The following SLC24A2 variants were observed in gnomAD, a reference collection of about 807,000 sequenced individuals.
SLC24A2 encodes solute carrier family 24 member 2, also known as sodium/potassium/calcium exchanger 2.
Under a neutral mutation model 62.0 loss-of-function variants are expected in SLC24A2, and 36 were observed. That is an observed-to-expected ratio of 0.58 (90% CI 0.44 to 0.77). The LOEUF (loss-of-function observed/expected upper bound fraction) is 0.77. Ranked by LOEUF, SLC24A2 falls within the 30% of genes least tolerant of loss-of-function variation. SLC24A2 has a pLI of 0.00. For missense variants in SLC24A2, 846 were observed against 817.9 expected (o/e 1.03, Z -0.42); for synonymous variants, 358 against 294.0 (o/e 1.22, Z -2.23).
chr9:19,971,468 T>G, the SLC24A2 span, among the ~76,000 whole-genome samples: 1 of 152,196 alleles, frequency 6.6e-6, no homozygotes, highest in Non-Finnish European at 1.5e-5. Context: ...TAAGACAGAC[T>G]GGTAGGCCTG....
intron 2 of SLC24A2, among the ~76,000 whole-genome samples, chr9:19,692,303 T>C (rs1315871067): frequency 6.6e-6 from 1 of 152,182 alleles, no homozygotes; most frequent in Non-Finnish European, 1.5e-5. Flanking sequence ...GGGAACAGAC[T>C]TTCAAAGACA....
At chr9:20,016,313 A>T in the SLC24A2 span, among the ~76,000 whole-genome samples, 1 of 152,198 alleles carries the variant, frequency 6.6e-6, no homozygotes, top group Non-Finnish European at 1.5e-5. Flanking sequence ...ATTGATTTAT[A>T]CATACAATAC....
chr9:19,763,161 G>T (rs1304984450), intron 2 of SLC24A2, among the ~76,000 whole-genome samples: 1 of 152,168 alleles, frequency 6.6e-6, no homozygotes, highest in African/African-American at 2.4e-5. Flanking sequence ...TTTGCACATT[G>T]ATTTTGTATC....
rs1564101029 is a variant in SLC24A2 at position 19,786,484 on chromosome 9, T to C, written c.383A>G (p.Glu128Gly). ...AATGATCGCACCTTTTCTTCTCTCC[T>C]CAAGGGAAAAGATGTCTTTCGGGTA... ...GDYPKDIFSL[E>G]ERRKGAIILH... The change falls in exon 2 of 11, where the codon GAG (glutamate) becomes GGG (glycine). Residue 128 changes from glutamate (E) to glycine (G), a missense_variant. Coordinates refer to ENST00000341998, the MANE Select transcript of SLC24A2 (RefSeq NM_020344.4). This position sits in a 1 kb window ranked among gnomAD's most constrained non-coding sequence, Gnocchi z 5.0. 1 of 1,614,168 alleles carries C rather than the reference T, an allele frequency of 6.2e-7. No individual in the cohort carries two copies. The highest frequency in any genetic ancestry group is 2.2e-5 in the East Asian group (1 of 44,880).
intron 2 of SLC24A2, among the ~76,000 whole-genome samples, chr9:19,698,023 G>A (rs1820243441): frequency 6.6e-6 from 1 of 152,220 alleles, no homozygotes; most frequent in East Asian, 1.9e-4. Context: ...ACATTTTTAT[G>A]AAATTAAATT....
At chr9:19,894,513 T>C in the SLC24A2 span, among the ~76,000 whole-genome samples, 1 of 152,250 alleles carries the variant, frequency 6.6e-6, no homozygotes, top group Non-Finnish European at 1.5e-5. Flanking sequence ...AATTTTGTTT[T>C]TTTTTATCTC....
chr9:19,607,623 G>A (rs910871959), intron 4 of SLC24A2, among the ~76,000 whole-genome samples: 2 of 151,160 alleles, frequency 1.3e-5, no homozygotes, highest in South Asian at 4.2e-4. Flanking sequence ...AGAGGCTGAG[G>A]CAGGAGACTC....
chr9:20,208,487 A>C, the SLC24A2 span, among the ~76,000 whole-genome samples: 54 of 152,196 alleles, frequency 3.5e-4, no homozygotes, highest in African/African-American at 1.3e-3. Flanking sequence ...TCCTCAAGTA[A>C]CTACTGCTAA....
rs1297139181 is a variant in SLC24A2, at chr9:19,742,063, T to G, written c.930+43874A>C. Among the ~76,000 whole-genome samples, 3 of 152,118 alleles carry G rather than the reference T, an allele frequency of 2.0e-5. No homozygotes were observed. The East Asian group carries it at 5.8e-4, about 29-fold the overall frequency. Reference sequence around the variant, plus strand: ...CACTATTTCTTTTAAAGCTCTCCATTGTGAATGAAACTGATACAGCAATAT... The same window carrying G: ...CACTATTTCTTTTAAAGCTCTCCATGGTGAATGAAACTGATACAGCAATAT... On this transcript the variant is annotated intron_variant, in intron 2 of 10. Transcript: ENST00000341998.
At chr9:19,562,777 C>T (rs1341277071) in intron 7 of SLC24A2, among the ~76,000 whole-genome samples, 1 of 152,066 alleles carries the variant, frequency 6.6e-6, no homozygotes, top group African/African-American at 2.4e-5. Flanking sequence ...TTTTTTAAGG[C>T]AGTCATAGTT....
the SLC24A2 span, chr9:19,967,681 A>G: frequency 1.3e-5 from 2 of 152,182 alleles, no homozygotes; most frequent in Non-Finnish European, 2.9e-5. Context: ...ATATATCCAA[A>G]CACTGTAATC....
intron 2 of SLC24A2, among the ~76,000 whole-genome samples, chr9:19,691,536 T>C (rs1471990805): frequency 1.3e-5 from 2 of 152,172 alleles, no homozygotes; most frequent in African/African-American, 4.8e-5. Flanking sequence ...CTGGGTTCTA[T>C]CTCTGCGATT....
intron 2 of SLC24A2, among the ~76,000 whole-genome samples, chr9:19,765,765 T>A (rs982384903): frequency 6.6e-6 from 1 of 152,200 alleles, no homozygotes; most frequent in Non-Finnish European, 1.5e-5. Flanking sequence ...AATCTGACAT[T>A]TATGTGTTTT....
At chr9:19,813,740 G>A in the SLC24A2 span, among the ~76,000 whole-genome samples, 6 of 152,212 alleles carry the variant, frequency 3.9e-5, no homozygotes, top group East Asian at 3.9e-4. Flanking sequence ...CCTTTGGGAC[G>A]TGATTAGGTC....
At chr9:19,562,488 A>T (rs1242674982) in intron 7 of SLC24A2, among the ~76,000 whole-genome samples, 2 of 152,208 alleles carry the variant, frequency 1.3e-5, no homozygotes, top group African/African-American at 4.8e-5. Context: ...ATTCAAATTA[A>T]GGCAGAAACT....
the SLC24A2 span, among the ~76,000 whole-genome samples, chr9:20,295,845 C>A: frequency 6.6e-6 from 1 of 152,192 alleles, no homozygotes; most frequent in African/African-American, 2.4e-5. Flanking sequence ...GGTTGCCTAT[C>A]ATGGAACTTC....
the SLC24A2 span, among the ~76,000 whole-genome samples, chr9:20,089,881 A>G: frequency 6.6e-6 from 1 of 151,754 alleles, no homozygotes; most frequent in Non-Finnish European, 1.5e-5. Context: ...GCTCCCCAAC[A>G]AGCGCAACCC....
the SLC24A2 span, among the ~76,000 whole-genome samples, chr9:19,923,010 T>C: frequency 6.7e-6 from 1 of 149,838 alleles, no homozygotes; most frequent in East Asian, 1.9e-4. Flanking sequence ...TTTATATATA[T>C]AAAACATTTA....
Position 19,619,619 on chromosome 9 carries a change from T to A in SLC24A2, c.1043A>T (p.Gln348Leu), listed in dbSNP as rs1482489263. Reference protein sequence around the residue: ...HNSLMRNSIFQLMIHTLDPLA... With the variant: ...HNSLMRNSIFLLMIHTLDPLA... ...TGGGTCAAGGGTGTGTATCATGAGT[T>A]GGAAGATGCTATTCCTCATGAGACT... Residue 348 changes from glutamine to leucine, a missense_variant, in exon 4 of 11, where the codon CAA becomes CTA. Gln to Leu is a moderately radical substitution (Grantham distance 113). Coordinates refer to ENST00000341998, the MANE Select transcript of SLC24A2 (RefSeq NM_020344.4). The A allele has an allele frequency of 1.2e-6, 2 of 1,614,014 alleles. No homozygotes were observed. The highest frequency in any genetic ancestry group is 4.5e-5 in the East Asian group (2 of 44,882).
Sources: gnomAD v4.1 joint callset for allele counts (sites outside exome capture counted in the v4.1 genomes callset) on GRCh38, gnomAD v4.1.1 for gene constraint, Gnocchi (gnomAD v3.1) non-coding constraint, MANE v1.5 for transcripts, NCBI Gene and HGNC (gene_info 2026-07-23, HGNC 2026-07-21) for gene names.